The following STIL variants were observed in gnomAD, a reference collection of about 807,000 sequenced individuals.
The protein encoded by STIL is SCL-interrupting locus protein.
In STIL, 55 loss-of-function variants were observed where a neutral mutation model predicts 110.1. The observed-to-expected ratio is 0.50, with a 90% CI of 0.40 to 0.63. The LOEUF (loss-of-function observed/expected upper bound fraction) is 0.63, where lower values mean the gene tolerates loss of function less well. Among genes scored for constraint, STIL ranks in the 20% least tolerant of loss-of-function variants. The probability of loss-of-function intolerance (pLI) is 0.00; values close to 1 mark genes in which losing one functional copy is unlikely to be tolerated. For synonymous variants in STIL, 481 were observed against 530.0 expected (o/e 0.91, Z 1.27); for missense variants, 1,358 against 1,530.0 (o/e 0.89, Z 1.87).
At position 47,250,760 on chromosome 1, in the gene STIL, GT is replaced by G. The variant is rs1461136796; in HGVS notation, c.*375del. On this transcript the variant is annotated 3_prime_UTR_variant, in exon 17 of 17. Transcript: ENST00000371877. ...TTGAACCCAGGAGGCAGAGGTTGCA[GT>G]GATCTGAGATCCTGCCATTGCACTC... 1.0e-5 allele frequency: 2 copies of G among 191,940 alleles called. No homozygotes were observed. Among genetic ancestry groups the G allele is most frequent in the African/African-American group, 4.7e-5 (2 of 42,734 alleles). 11.9% of individuals were successfully genotyped at this position (191,940 alleles called of 1,614,324 possible). A position where few individuals can be genotyped will look rare whatever the true frequency, so the allele number is the denominator to read the frequency against.
intron 16 of STIL, among the ~76,000 whole-genome samples, chr1:47,252,191 G>C (rs1644204064): frequency 6.6e-6 from 1 of 152,102 alleles, no homozygotes; most frequent in African/African-American, 2.4e-5. Flanking sequence ...GATCAGCCTA[G>C]GCAATATAGC....
chr1:47,281,090 A>G lies in STIL; in HGVS notation c.1368T>C (p.Ile456=), dbSNP rs1405909296. The G allele has an allele frequency of 6.2e-7, 1 of 1,614,044 alleles. No individual in the cohort carries two copies. The highest frequency in any genetic ancestry group is 1.3e-5 in the African/African-American group (1 of 74,916). Residue 456 remains isoleucine (I), a synonymous_variant, in exon 12 of 17, where the codon ATT becomes ATC. Coordinates refer to ENST00000371877, the MANE Select transcript of STIL (RefSeq NM_001048166.1). ...EMVNNENPPL[I]NHLEHLKPLQ... ...ATGGCTTCAAGTGTTCCAAGTGGTT[A>G]ATCAAAGGAGGATTTTCATTATTCA...
chr1:47,271,659 G>A (rs1465946397), intron 13 of STIL, among the ~76,000 whole-genome samples: 1 of 151,660 alleles, frequency 6.6e-6, no homozygotes, highest in Non-Finnish European at 1.5e-5. Flanking sequence ...AAACAAGACT[G>A]GCTGGACGCG....
Position 47,275,147 on chromosome 1 carries a change from T to TCAACAACAA in STIL, c.2218-2915_2218-2907dup, listed in dbSNP as rs35911281. Among the ~76,000 whole-genome samples, 8 of 149,216 alleles carry TCAACAACAA rather than the reference T, an allele frequency of 5.4e-5. No individual in the cohort carries two copies. The East Asian group carries it at 6.0e-4, about 11-fold the overall frequency. On this transcript the variant is annotated intron_variant, in intron 12 of 16. Coordinates refer to ENST00000371877, the MANE Select transcript of STIL (RefSeq NM_001048166.1). ...GGTTACAGAGCAAGACTCTGTCTCA[T>TCAACAACAA]CAACAACAACAACAACAACAAAAAG...
rs1435015911 is a variant in STIL at position 47,269,743 on chromosome 1, G to C, written c.2507C>G (p.Thr836Arg). ...NFSVDINNEV[T>R]SLPGSASSLK... Reference sequence around the variant, plus strand: ...TGAAGATGCACTACCTGGAAGACTTGTGACTTCATTATTAATATCGACAGA... The same window carrying C: ...TGAAGATGCACTACCTGGAAGACTTCTGACTTCATTATTAATATCGACAGA... Residue 836 changes from threonine to arginine, a missense_variant, in exon 14 of 17, where the codon ACA becomes AGA. Coordinates refer to ENST00000371877, the MANE Select transcript of STIL (RefSeq NM_001048166.1). The C allele has an allele frequency of 6.2e-7, 1 of 1,614,124 alleles. No homozygotes were observed. Among genetic ancestry groups the C allele is most frequent in the South Asian group, 1.1e-5 (1 of 91,084 alleles).
upstream of STIL, among the ~76,000 whole-genome samples, chr1:47,314,313 A>C (rs76864330): frequency 0.013 from 1,912 of 152,348 alleles, 41 homozygotes; most frequent in African/African-American, 0.043. Context: ...TCCGCGCTCG[A>C]CCAATCCCAA....
intron 8 of STIL, among the ~76,000 whole-genome samples, chr1:47,291,484 A>G (rs1198396779): frequency 6.6e-6 from 1 of 152,084 alleles, no homozygotes; most frequent in Non-Finnish European, 1.5e-5. Context: ...TCCTCCTCTC[A>G]GGCTTTATTT....
In STIL at chr1:47,251,344, A is replaced by G; in HGVS notation, c.3659T>C (p.Val1220Ala). 6.2e-7 allele frequency: 1 copy of G among 1,614,212 alleles called. No individual in the cohort carries two copies. Among genetic ancestry groups the G allele is most frequent in the Non-Finnish European group, 8.5e-7 (1 of 1,180,046 alleles). The stretch of plus-strand genomic sequence containing the variant: ...TGCAGGACTTGGTTTAAGGTTCTTT[A>G]CTAAGAAAGCTGGCTTTTCAGTCAA... ...QQLTEKPAFL[V>A]KNLKPSPAVN... The change falls in exon 17 of 17, where the codon GTA becomes GCA. Residue 1220 changes from valine (V) to alanine (A), a missense_variant. Transcript: ENST00000371877.
chr1:47,285,912 T>C (rs1645284450), intron 10 of STIL, among the ~76,000 whole-genome samples: 1 of 152,140 alleles, frequency 6.6e-6, no homozygotes, highest in African/African-American at 2.4e-5. Flanking sequence ...TCTTACTCTG[T>C]TGCCCAGGCT....
At chr1:47,312,367 G>A (rs1372632583) in intron 1 of STIL, among the ~76,000 whole-genome samples, 1 of 151,782 alleles carries the variant, frequency 6.6e-6, no homozygotes, top group Non-Finnish European at 1.5e-5. Flanking sequence ...GCGGGCACCT[G>A]TAGTGAACCC....
chr1:47,305,232 T>A (rs1645921080), intron 2 of STIL: 1 of 402,876 alleles, frequency 2.5e-6, no homozygotes, highest in African/African-American at 2.1e-5. Flanking sequence ...TTCAAGCAAT[T>A]CCCCTGCCTG....
intron 12 of STIL, among the ~76,000 whole-genome samples, chr1:47,272,955 GAT>G (rs1640506449): frequency 6.6e-6 from 1 of 152,112 alleles, no homozygotes; most frequent in Non-Finnish European, 1.5e-5. Flanking sequence ...GTTGAAATTG[GAT>G]ATATTAATAA....
chr1:47,277,179 A>G (rs1041666409), intron 12 of STIL, among the ~76,000 whole-genome samples: 5 of 152,322 alleles, frequency 3.3e-5, no homozygotes, highest in East Asian at 1.9e-4. Context: ...GAAGGGTCCA[A>G]GGAGGAATAT....
At chr1:47,275,494 G>A (rs932632696) in intron 12 of STIL, among the ~76,000 whole-genome samples, 5 of 151,986 alleles carry the variant, frequency 3.3e-5, no homozygotes, top group Non-Finnish European at 7.4e-5. Context: ...TGTAGTCCCA[G>A]CTACTCAGGA....
chr1:47,287,901 A>G (rs1260677870), intron 9 of STIL, among the ~76,000 whole-genome samples: 1 of 152,006 alleles, frequency 6.6e-6, no homozygotes, highest in Non-Finnish European at 1.5e-5. Flanking sequence ...AAAGAATAAA[A>G]TGACAAATAT....
chr1:47,274,466 G>T (rs1644929236), intron 12 of STIL, among the ~76,000 whole-genome samples: 1 of 148,126 alleles, frequency 6.8e-6, no homozygotes, highest in African/African-American at 2.5e-5. Context: ...GAGTAGCTGG[G>T]ACTACGCCAG....
intron 14 of STIL, among the ~76,000 whole-genome samples, chr1:47,263,817 A>G (rs1644557223): frequency 7.5e-6 from 1 of 132,794 alleles, no homozygotes; most frequent in Non-Finnish European, 1.5e-5. Context: ...TAGTGGCGTC[A>G]TCTCGGCTGA....
At chr1:47,291,434 G>A (rs1037611303) in intron 8 of STIL, among the ~76,000 whole-genome samples, 126 of 150,612 alleles carry the variant, frequency 8.4e-4, no homozygotes, top group Admixed American at 1.3e-3. Context: ...ATAAATAAAC[G>A]GCAACTCTTT....
intron 8 of STIL, among the ~76,000 whole-genome samples, chr1:47,290,725 T>C (rs1364651292): frequency 1.3e-5 from 2 of 149,980 alleles, no homozygotes. Flanking sequence ...AAAGAAAAGA[T>C]ACACAATCTA....
Sources: gnomAD v4.1 joint callset for allele counts (sites outside exome capture counted in the v4.1 genomes callset) on GRCh38, gnomAD v4.1.1 for gene constraint, MANE v1.5 for transcripts, NCBI Gene and HGNC (gene_info 2026-07-23, HGNC 2026-07-21) for gene names.